The following CEP112 variants were observed in gnomAD, a reference collection of about 807,000 sequenced individuals.
CEP112 encodes centrosomal protein 112.
A neutral mutation model predicts 153.0 loss-of-function variants in CEP112; 127 were observed. The ratio of observed to expected loss-of-function variants is 0.83; its 90% CI spans 0.72 to 0.96. The LOEUF is 0.96. CEP112 is among the 40% of genes least tolerant of loss of function. The pLI, the probability that CEP112 is intolerant of heterozygous loss-of-function variation, is 0.00. For synonymous variants in CEP112, 358 were observed against 374.4 expected (o/e 0.96, Z 0.51); for missense variants, 1,089 against 1,101.2 (o/e 0.99, Z 0.16).
chr17:66,075,456 A>T (rs2067455996), intron 8 of CEP112, among the ~76,000 whole-genome samples: 1 of 152,162 alleles, frequency 6.6e-6, no homozygotes, highest in Non-Finnish European at 1.5e-5. Context: ...CAAGAAGTCA[A>T]TAGAAAAATT....
chr17:65,957,087 T>C (rs2062028333), intron 18 of CEP112, among the ~76,000 whole-genome samples: 1 of 152,204 alleles, frequency 6.6e-6, no homozygotes, highest in Non-Finnish European at 1.5e-5. Flanking sequence ...GTAAACCTTA[T>C]GAATTCTTTA....
intron 20 of CEP112, among the ~76,000 whole-genome samples, chr17:65,856,071 A>G (rs1347897913): frequency 6.6e-6 from 1 of 152,200 alleles, no homozygotes; most frequent in Non-Finnish European, 1.5e-5. Context: ...AAAAGTCCAT[A>G]ATAAACATAC....
intron 12 of CEP112, among the ~76,000 whole-genome samples, chr17:66,051,904 T>G (rs1163985691): frequency 1.3e-5 from 2 of 152,176 alleles, no homozygotes; most frequent in Admixed American, 1.3e-4. Flanking sequence ...TCAAATATCA[T>G]TAATTCAAAA....
intron 24 of CEP112, among the ~76,000 whole-genome samples, chr17:65,658,942 G>T (rs1030277823): frequency 7.1e-6 from 1 of 140,206 alleles, no homozygotes; most frequent in Non-Finnish European, 1.5e-5. Flanking sequence ...CAGAAGACCA[G>T]GCCATTTCAG....
chr17:65,721,233 A>G (rs1477328433), intron 23 of CEP112, among the ~76,000 whole-genome samples: 1 of 152,060 alleles, frequency 6.6e-6, no homozygotes, highest in African/African-American at 2.4e-5. Context: ...GATGGTCTCG[A>G]TCTCCTGATC....
chr17:65,983,646 T>A (rs939841854), intron 17 of CEP112, among the ~76,000 whole-genome samples: 6 of 152,272 alleles, frequency 3.9e-5, no homozygotes, highest in Admixed American at 3.9e-4. Flanking sequence ...CTACTCCCCC[T>A]CCACCTTCTA....
intron 16 of CEP112, among the ~76,000 whole-genome samples, chr17:66,012,780 A>C (rs1377151782): frequency 6.6e-6 from 1 of 152,200 alleles, no homozygotes; most frequent in Non-Finnish European, 1.5e-5. Context: ...CTCTCTAGCA[A>C]GGTTGGGGAA....
intron 17 of CEP112, among the ~76,000 whole-genome samples, chr17:65,971,607 CATA>C (rs367891487): frequency 0.075 from 10,028 of 134,278 alleles, 484 homozygotes; most frequent in African/African-American, 0.14. Context: ...ATATTGTGTG[CATA>C]TTATATGTAT....
chr17:66,095,493 G>A (rs1169373870), intron 8 of CEP112, among the ~76,000 whole-genome samples: 1 of 152,134 alleles, frequency 6.6e-6, no homozygotes, highest in Non-Finnish European at 1.5e-5. Flanking sequence ...TAGAGAAATG[G>A]TGGTTATGAG....
At chr17:65,997,632 AACT>A (rs1356959583) in intron 17 of CEP112, among the ~76,000 whole-genome samples, 1 of 152,150 alleles carries the variant, frequency 6.6e-6, no homozygotes, top group Non-Finnish European at 1.5e-5. Flanking sequence ...TACAATATTT[AACT>A]ACTATTAATG....
intron 4 of CEP112, among the ~76,000 whole-genome samples, chr17:66,147,981 C>G (rs1158142593): frequency 6.6e-6 from 1 of 152,128 alleles, no homozygotes; most frequent in Non-Finnish European, 1.5e-5. Context: ...GTTTTAGCTA[C>G]TCAATGTCCC....
At chr17:65,945,481 C>T (rs7226351) in intron 18 of CEP112, among the ~76,000 whole-genome samples, 72,804 of 151,940 alleles carry the variant, frequency 0.48, 18,439 homozygotes, top group East Asian at 0.89. Context: ...AATGGTTGTA[C>T]CCATTTATAT....
At chr17:65,909,564 G>A (rs1348393382) in intron 19 of CEP112, among the ~76,000 whole-genome samples, 2 of 152,190 alleles carry the variant, frequency 1.3e-5, no homozygotes, top group African/African-American at 4.8e-5. Flanking sequence ...TTTACCAACA[G>A]GAGAATAACC....
At chr17:66,012,466 T>G (rs1031231088) in intron 16 of CEP112, among the ~76,000 whole-genome samples, 2 of 152,186 alleles carry the variant, frequency 1.3e-5, no homozygotes, top group Admixed American at 1.3e-4. Flanking sequence ...GAAAAGGATC[T>G]TATTTCTCCT....
chr17:65,650,776 G>C (rs1206442546), intron 24 of CEP112, among the ~76,000 whole-genome samples: 2 of 150,800 alleles, frequency 1.3e-5, no homozygotes, highest in African/African-American at 4.9e-5. Flanking sequence ...GCATGGTGGT[G>C]AGTGCCTGTA....
chr17:65,705,131 G>A (rs1318284581), intron 23 of CEP112, among the ~76,000 whole-genome samples: 5 of 152,160 alleles, frequency 3.3e-5, no homozygotes, highest in South Asian at 2.1e-4. Context: ...GCACAAAACC[G>A]TTGATTTCTG....
intron 17 of CEP112, among the ~76,000 whole-genome samples, chr17:65,968,333 A>G (rs927236302): frequency 1.3e-5 from 2 of 152,160 alleles, no homozygotes; most frequent in Non-Finnish European, 2.9e-5. Context: ...GGGCAGTTCA[A>G]TATTTCAAAG....
chr17:65,796,077 G>A (rs772895451), intron 21 of CEP112, among the ~76,000 whole-genome samples: 8 of 152,072 alleles, frequency 5.3e-5, no homozygotes, highest in Non-Finnish European at 1.0e-4. Flanking sequence ...TTTGCCACTT[G>A]TTCCAGCCCA....
chr17:65,651,663 C>CTCCT (rs145259314), intron 24 of CEP112, among the ~76,000 whole-genome samples: 37 of 149,488 alleles, frequency 2.5e-4, no homozygotes, highest in Middle Eastern at 3.4e-3. Context: ...CTCTTTCTTT[C>CTCCT]TCCTTCCTTC....
Sources: gnomAD v4.1 joint callset for allele counts (sites outside exome capture counted in the v4.1 genomes callset) on GRCh38, gnomAD v4.1.1 for gene constraint, MANE v1.5 for transcripts, NCBI Gene and HGNC (gene_info 2026-07-23, HGNC 2026-07-21) for gene names.